Variants in HNF4A observed in about 807,000 individuals in gnomAD.
The protein encoded by HNF4A is hepatocyte nuclear factor 4 alpha, also known as hepatocyte nuclear factor 4-alpha.
In HNF4A, 15 loss-of-function variants were observed where a neutral mutation model predicts 52.4. That is an observed-to-expected ratio of 0.29 (90% CI 0.19 to 0.44). The LOEUF (loss-of-function observed/expected upper bound fraction) is 0.44. Ranked by LOEUF, HNF4A falls within the 20% of genes least tolerant of loss-of-function variation. The pLI, the probability that HNF4A is intolerant of heterozygous loss-of-function variation, is 1.00. For missense variants in HNF4A, 479 were observed against 647.2 expected, an observed-to-expected ratio of 0.74 and a Z score of 2.82; for synonymous variants, 280 against 264.4, an observed-to-expected ratio of 1.06 and a Z score of -0.57.
At position 44,420,045 on chromosome 20, in the gene HNF4A, A is replaced by G. The variant is rs3212201; in HGVS notation, c.892+169A>G. ...GAGGCAAGTCAAGATTTGAAGAGACAATATGGCCGGGCGCAGTGGCTCACA... is the reference window on the plus strand; with the variant it reads ...GAGGCAAGTCAAGATTTGAAGAGACGATATGGCCGGGCGCAGTGGCTCACA... On this transcript the variant is annotated intron_variant, in intron 7 of 9. Coordinates refer to ENST00000316099, the MANE Select transcript of HNF4A (RefSeq NM_000457.6). Among the ~76,000 whole-genome samples the G allele has an allele frequency of 0.55, 83,113 of 151,998 alleles. 23,079 individuals are homozygous for G. The highest frequency in any genetic ancestry group is 0.67 in the Middle Eastern group (196 of 294).
chr20:44,369,901 CCGCGCCCGGCCCTGGGCTCTTTT>C, intron 1 of HNF4A, among the ~76,000 whole-genome samples: 1 of 152,208 alleles, frequency 6.6e-6, no homozygotes, highest in African/African-American at 2.4e-5. Flanking sequence ...CCGTGAGCCG[CCGCGCCCGGCCCTGGGCTCTTTT>C]CTTTGACCAA....
rs368578465 is a variant in HNF4A, at chr20:44,426,217, G to C, written c.1129+1963G>C. Among the ~76,000 whole-genome samples, 5 of 152,246 alleles carry C rather than the reference G, an allele frequency of 3.3e-5. No individual in the cohort carries two copies. In the South Asian group the frequency reaches 1.0e-3, roughly 32 times the overall value. On this transcript the variant is annotated intron_variant, in intron 8 of 9. Coordinates refer to ENST00000316099, the MANE Select transcript of HNF4A (RefSeq NM_000457.6). ...TGGTGTTAAACTCTACAGAGAAACA[G>C]AAAGAAGCGGGGAAGAAAGGAGAGG...
chr20:44,382,454 A>G (rs1180728769), intron 1 of HNF4A, among the ~76,000 whole-genome samples: 2 of 151,958 alleles, frequency 1.3e-5, no homozygotes, highest in African/African-American at 4.8e-5. Flanking sequence ...GGCCAACATG[A>G]TCTCGATCTC....
At position 44,424,053 on chromosome 20, in the gene HNF4A, C is replaced by T. The variant is rs768263630; in HGVS notation, c.928C>T (p.Arg310Trp). ...GCTGAGCGATCCAGGGAAGATCAAGCGGCTGCGTTCCCAGGTGCAGGTGAG... is the reference window on the plus strand; with the variant it reads ...GCTGAGCGATCCAGGGAAGATCAAGTGGCTGCGTTCCCAGGTGCAGGTGAG... Residue 310 changes from arginine (R) to tryptophan (W), a missense_variant, in exon 8 of 10, where the codon CGG becomes TGG. Coordinates refer to ENST00000316099, the MANE Select transcript of HNF4A (RefSeq NM_000457.6). The T allele has an allele frequency of 7.4e-6, 12 of 1,613,212 alleles. No homozygotes were observed. The highest frequency in any genetic ancestry group is 3.3e-5 in the Admixed American group (2 of 60,004).
chr20:44,420,002 C>T (rs1395268981), intron 7 of HNF4A, 126 bp downstream of exon 7: 6 of 999,764 alleles, frequency 6.0e-6, no homozygotes, highest in South Asian at 3.9e-5. Context: ...CAGGAGAGGC[C>T]GTTTTCATTT....
At chr20:44,355,722 C>A in exon 1 of HNF4A, 1 of 1,259,916 alleles carries the variant, frequency 7.9e-7, no homozygotes, top group Non-Finnish European at 1.2e-6. Flanking sequence ...TCCTGGTGGA[C>A]GGGCTCCTGG....
chr20:44,423,997 G>A (rs1304682703), intron 7 of HNF4A, 21 bp from the exon 8 acceptor site: 3 of 1,607,484 alleles, frequency 1.9e-6, no homozygotes, highest in African/African-American at 1.3e-5. Flanking sequence ...GCCCTCCCTT[G>A]CCCACCCTCT....
intron 5 of HNF4A, among the ~76,000 whole-genome samples, chr20:44,416,709 A>ATTCATTCATTTCCCCTTTCCTTCC (rs1278331163): frequency 6.6e-6 from 1 of 152,240 alleles, no homozygotes; most frequent in African/African-American, 2.4e-5. Context: ...TTGCTCATTC[A>ATTCATTCATTTCCCCTTTCCTTCC]TTCATTCATT....
At position 44,428,345 on chromosome 20, in the gene HNF4A, C is replaced by T. The variant is rs767934753; in HGVS notation, c.1140C>T (p.Ser380=). ...CTTCTCTACCTGCAGGGTCCCCCAG[C>T]GATGCACCCCATGCCCACCACCCCC... is the stretch of plus-strand genomic sequence containing the variant. Residue 380 remains serine, a synonymous_variant, in exon 9 of 10, where the codon AGC becomes AGT. Coordinates refer to ENST00000316099, the MANE Select transcript of HNF4A (RefSeq NM_000457.6). 1.8e-5 allele frequency: 29 copies of T among 1,613,934 alleles called. No homozygotes were observed. The highest frequency in any genetic ancestry group is 1.5e-4 in the African/African-American group (11 of 74,898).
intron 1 of HNF4A, among the ~76,000 whole-genome samples, chr20:44,388,514 T>G (rs1270588041): frequency 6.6e-6 from 1 of 151,858 alleles, no homozygotes; most frequent in Non-Finnish European, 1.5e-5. Context: ...TGGTGTGTGA[T>G]GGGGAGATGT....
At chr20:44,365,600 T>C (rs1412882860) in intron 1 of HNF4A, among the ~76,000 whole-genome samples, 1 of 152,224 alleles carries the variant, frequency 6.6e-6, no homozygotes, top group African/African-American at 2.4e-5. Flanking sequence ...GTGCTCACTA[T>C]ACTAGTCTTT....
Position 44,418,416 on chromosome 20 carries a change from C to T in HNF4A, c.649-9C>T. On this transcript the variant is annotated splice_polypyrimidine_tract_variant and intron_variant, in intron 5 of 9. Transcript: ENST00000316099. The stretch of plus-strand genomic sequence containing the variant: ...ACAGATGGCAAACACTGTTCCTTCT[C>T]TCTTTCAGGTGGCCCTGCTCAGAGC... 1 of 1,612,844 alleles carries T rather than the reference C, an allele frequency of 6.2e-7. No individual in the cohort carries two copies. Among genetic ancestry groups the T allele is most frequent in the Non-Finnish European group, 8.5e-7 (1 of 1,178,842 alleles).
At chr20:44,401,150 C>G, upstream of HNF4A, 1 of 1,376,478 alleles carries the variant, frequency 7.3e-7, no homozygotes, top group Non-Finnish European at 9.6e-7. Context: ...CCAGCCTATC[C>G]ACCGGCGGGG....
At position 44,401,285 on chromosome 20, in the gene HNF4A, G is replaced by T; in HGVS notation, c.-88G>T. ...TGAAAGGAAGGCAGAGAGGGCACTG[G>T]GAGGAGGCAGTGGGAGGGCGGAGGG... On this transcript the variant is annotated 5_prime_UTR_variant, in exon 1 of 10. Coordinates refer to ENST00000316099, the MANE Select transcript of HNF4A (RefSeq NM_000457.6). 6.2e-7 allele frequency: 1 copy of T among 1,603,808 alleles called. No homozygotes were observed. Among genetic ancestry groups the T allele is most frequent in the East Asian group, 2.2e-5 (1 of 44,700 alleles).
At chr20:44,364,607 T>C (rs1600631958) in intron 1 of HNF4A, among the ~76,000 whole-genome samples, 1 of 151,992 alleles carries the variant, frequency 6.6e-6, no homozygotes, top group African/African-American at 2.4e-5. Context: ...GTAGCTGGGA[T>C]TACAGGTGCC....
chr20:44,397,987 A>G (rs568868461), upstream of HNF4A, among the ~76,000 whole-genome samples: 2 of 151,992 alleles, frequency 1.3e-5, no homozygotes, highest in African/African-American at 2.4e-5. Flanking sequence ...TTCCTTTTCC[A>G]CCTCCCGTTC....
chr20:44,368,160 A>ATATTTTTT, intron 1 of HNF4A, among the ~76,000 whole-genome samples: 6 of 27,782 alleles, frequency 2.2e-4, no homozygotes, highest in East Asian at 1.2e-3. Flanking sequence ...ATATATATAT[A>ATATTTTTT]TTTTTTTTTT....
intron 8 of HNF4A, among the ~76,000 whole-genome samples, chr20:44,425,416 T>C (rs1203790960): frequency 1.3e-5 from 2 of 152,198 alleles, no homozygotes; most frequent in Non-Finnish European, 2.9e-5. Flanking sequence ...AAGATAAACC[T>C]GATCATCTAT....
chr20:44,417,991 T>C (rs1471903954), intron 5 of HNF4A, among the ~76,000 whole-genome samples: 1 of 149,848 alleles, frequency 6.7e-6, no homozygotes, highest in African/African-American at 2.5e-5. Flanking sequence ...AAAAATAGAA[T>C]CTGTATTTTT....
Sources: gnomAD v4.1 joint callset for allele counts (sites outside exome capture counted in the v4.1 genomes callset) on GRCh38, gnomAD v4.1.1 for gene constraint, MANE v1.5 for transcripts, NCBI Gene and HGNC (gene_info 2026-07-23, HGNC 2026-07-21) for gene names.